The following SH3GL2 variants were observed in gnomAD, a reference collection of about 807,000 sequenced individuals.
The protein encoded by SH3GL2 is endophilin-A1.
In SH3GL2, 24 loss-of-function variants were observed where a neutral mutation model predicts 46.0. The ratio of observed to expected loss-of-function variants is 0.52; its 90% CI spans 0.38 to 0.73. The LOEUF (loss-of-function observed/expected upper bound fraction) is 0.73. Among genes scored for constraint, SH3GL2 ranks in the 30% least tolerant of loss-of-function variants. The pLI is 0.00. For synonymous variants in SH3GL2, 196 were observed against 147.1 expected (o/e 1.33, Z -2.40); for missense variants, 413 against 424.2 (o/e 0.97, Z 0.23).
intron 1 of SH3GL2, among the ~76,000 whole-genome samples, chr9:17,723,924 A>T (rs1821957625): frequency 6.6e-6 from 1 of 152,104 alleles, no homozygotes. Context: ...TATTGATTTC[A>T]AGAGTTTATC....
At chr9:17,717,158 A>G (rs374078981) in intron 1 of SH3GL2, among the ~76,000 whole-genome samples, 2 of 152,154 alleles carry the variant, frequency 1.3e-5, no homozygotes, top group East Asian at 1.9e-4. Context: ...CTCAAGGGAC[A>G]GACTTGTGGA....
intron 1 of SH3GL2, among the ~76,000 whole-genome samples, chr9:17,702,030 T>C (rs900170003): frequency 6.6e-6 from 1 of 152,042 alleles, no homozygotes; most frequent in African/African-American, 2.4e-5. Flanking sequence ...CTAATATATA[T>C]TTAAAAACAT....
intron 1 of SH3GL2, among the ~76,000 whole-genome samples, chr9:17,683,443 G>T (rs1820825734): frequency 6.6e-6 from 1 of 152,026 alleles, no homozygotes; most frequent in African/African-American, 2.4e-5. Context: ...TAGGCTCAGG[G>T]GACAGGTGGA....
At chr9:17,698,827 C>A (rs527708369) in intron 1 of SH3GL2, among the ~76,000 whole-genome samples, 5 of 152,154 alleles carry the variant, frequency 3.3e-5, no homozygotes, top group Middle Eastern at 3.4e-3. Context: ...AGCTTTTGTT[C>A]TTTCCCTAAA....
chr9:17,695,860 A>G (rs1010353268), intron 1 of SH3GL2, among the ~76,000 whole-genome samples: 2 of 152,134 alleles, frequency 1.3e-5, no homozygotes, highest in Non-Finnish European at 2.9e-5. Context: ...GAACATGGGT[A>G]GGGAATGTTG....
chr9:17,613,098 C>G (rs1280938784), intron 1 of SH3GL2, among the ~76,000 whole-genome samples: 1 of 152,116 alleles, frequency 6.6e-6, no homozygotes, highest in African/African-American at 2.4e-5. Context: ...GCTTTGATGA[C>G]CTTAGGCTGT....
At chr9:17,719,635 A>T (rs1821843366) in intron 1 of SH3GL2, among the ~76,000 whole-genome samples, 2 of 151,862 alleles carry the variant, frequency 1.3e-5, no homozygotes, top group African/African-American at 2.4e-5. Context: ...ACCAAAAAAT[A>T]AAAAAAATTT....
intron 3 of SH3GL2, among the ~76,000 whole-genome samples, chr9:17,778,137 G>T (rs1054123310): frequency 6.6e-6 from 1 of 152,108 alleles, no homozygotes; most frequent in African/African-American, 2.4e-5. Flanking sequence ...TGCCAGGCAC[G>T]GTGCTGGATA....
At chr9:17,618,873 A>AAG (rs1164578421) in intron 1 of SH3GL2, among the ~76,000 whole-genome samples, 2 of 151,702 alleles carry the variant, frequency 1.3e-5, no homozygotes, top group African/African-American at 2.4e-5. Flanking sequence ...ATCTCCTTGC[A>AAG]AGAGAGAGAG....
chr9:17,612,465 C>G (rs1005745529), intron 1 of SH3GL2, among the ~76,000 whole-genome samples: 2 of 152,142 alleles, frequency 1.3e-5, no homozygotes, highest in Non-Finnish European at 2.9e-5. Context: ...TCAAGGTTGT[C>G]AGGTGATTCT....
At chr9:17,717,110 C>G (rs1391176561) in intron 1 of SH3GL2, among the ~76,000 whole-genome samples, 1 of 152,042 alleles carries the variant, frequency 6.6e-6, no homozygotes, top group Non-Finnish European at 1.5e-5. Flanking sequence ...CAATATAAAG[C>G]TGAAGGTCTC....
chr9:17,664,752 C>T (rs980257568), intron 1 of SH3GL2, among the ~76,000 whole-genome samples: 3 of 151,242 alleles, frequency 2.0e-5, no homozygotes, highest in Admixed American at 1.3e-4. Flanking sequence ...TGGAGGGAGT[C>T]TGGGGATATT....
At chr9:17,779,990 G>T (rs1412277089) in intron 3 of SH3GL2, among the ~76,000 whole-genome samples, 1 of 152,136 alleles carries the variant, frequency 6.6e-6, no homozygotes, top group Non-Finnish European at 1.5e-5. Flanking sequence ...AACCTTGGCT[G>T]CACATTAGAA....
intron 1 of SH3GL2, among the ~76,000 whole-genome samples, chr9:17,674,632 G>A (rs1820562840): frequency 6.6e-6 from 1 of 152,090 alleles, no homozygotes; most frequent in African/African-American, 2.4e-5. Context: ...GGCTCAGCTG[G>A]ATGTTTCTTC....
chr9:17,702,339 T>A (rs1821360191), intron 1 of SH3GL2, among the ~76,000 whole-genome samples: 1 of 152,038 alleles, frequency 6.6e-6, no homozygotes, highest in African/African-American at 2.4e-5. Flanking sequence ...TTGAAAGTAG[T>A]TTTGATCTGA....
intron 1 of SH3GL2, among the ~76,000 whole-genome samples, chr9:17,700,242 G>A (rs1157628945): frequency 2.0e-5 from 3 of 152,134 alleles, no homozygotes; most frequent in Admixed American, 1.3e-4. Context: ...TAAATTCAGA[G>A]GATGAGCTAT....
chr9:17,740,179 T>TAAGAAATTTTC (rs1563834531), intron 1 of SH3GL2, among the ~76,000 whole-genome samples: 3 of 152,148 alleles, frequency 2.0e-5, no homozygotes. Flanking sequence ...ACAAAATGCC[T>TAAGAAATTTTC]TTACTCATTT....
intron 5 of SH3GL2, among the ~76,000 whole-genome samples, chr9:17,788,114 A>G (rs1425877238): frequency 6.6e-6 from 1 of 152,100 alleles, no homozygotes; most frequent in East Asian, 1.9e-4. Flanking sequence ...TTTTTTATCT[A>G]ACAAATATTT....
chr9:17,593,738 C>T (rs1353766570), intron 1 of SH3GL2, among the ~76,000 whole-genome samples: 4 of 152,016 alleles, frequency 2.6e-5, no homozygotes, highest in Non-Finnish European at 4.4e-5. Flanking sequence ...GTTCTGTGCC[C>T]GATGTTCAGA....
Sources: allele counts gnomAD v4.1 joint callset (sites outside exome capture counted in the v4.1 genomes callset), GRCh38; gene constraint gnomAD v4.1.1; transcripts MANE v1.5; gene names NCBI Gene and HGNC (gene_info 2026-07-23, HGNC 2026-07-21).